Variants in FAM184A observed in about 807,000 individuals in gnomAD.
FAM184A encodes the protein protein FAM184A.
In FAM184A, 99 loss-of-function variants were observed where a neutral mutation model predicts 143.8. The observed-to-expected ratio is 0.69, with a 90% confidence interval of 0.58 to 0.81. The LOEUF is 0.81. Among genes scored for constraint, FAM184A ranks in the 40% least tolerant of loss-of-function variants. The pLI is 0.00. For missense variants in FAM184A, 1,217 were observed against 1,310.5 expected (o/e 0.93, Z 1.10); for synonymous variants, 427 against 446.4 (o/e 0.96, Z 0.55).
chr6:119,115,379 A>G (rs867321189), intron 1 of FAM184A, among the ~76,000 whole-genome samples: 1 of 152,134 alleles, frequency 6.6e-6, no homozygotes, highest in Non-Finnish European at 1.5e-5. Flanking sequence ...CCCCATCCGG[A>G]ACTTGATTCA....
At chr6:119,084,033 G>T (rs112866295) in intron 1 of FAM184A, among the ~76,000 whole-genome samples, 5,964 of 152,130 alleles carry the variant, frequency 0.039, 262 homozygotes, top group African/African-American at 0.11. Context: ...TACAATCATG[G>T]TGGAAGGCAA....
Position 118,961,928 on chromosome 6 carries a change from C to G in FAM184A, c.3174G>C (p.Arg1058Ser). The change falls in exon 17 of 18, where the codon AGG becomes AGC. Residue 1058 changes from arginine (R) to serine (S), a missense_variant. Coordinates refer to ENST00000338891, the MANE Select transcript of FAM184A (RefSeq NM_024581.6). Reference protein sequence around the residue: ...KKKNDKSPTNRFVSVPNLSAL... With the variant: ...KKKNDKSPTNSFVSVPNLSAL... ...CACTTAGATTGGGAACACTCACAAACCTGTTTGTTGGTGATTTATCATTCT... is the reference window on the plus strand; with the variant it reads ...CACTTAGATTGGGAACACTCACAAAGCTGTTTGTTGGTGATTTATCATTCT... 2 of 1,613,826 alleles carry G rather than the reference C, an allele frequency of 1.2e-6. No individual in the cohort carries two copies. The highest frequency in any genetic ancestry group is 1.7e-6 in the Non-Finnish European group (2 of 1,179,840).
intron 7 of FAM184A, chr6:119,005,942 T>C (rs1474519783): frequency 1.0e-5 from 6 of 577,416 alleles, no homozygotes; most frequent in African/African-American, 1.8e-5. Flanking sequence ...GTTCCAATTG[T>C]TATCGGTTGA....
intron 1 of FAM184A, among the ~76,000 whole-genome samples, chr6:119,135,376 A>G (rs1789635464): frequency 6.6e-6 from 1 of 152,138 alleles, no homozygotes; most frequent in Non-Finnish European, 1.5e-5. Context: ...AAAAGGCTCT[A>G]AAGAATTGGT....
upstream of FAM184A, among the ~76,000 whole-genome samples, chr6:119,080,377 A>T (rs1005883042): frequency 4.6e-5 from 7 of 152,192 alleles, no homozygotes; most frequent in Non-Finnish European, 7.4e-5. Flanking sequence ...ATTCACTCTG[A>T]ACTCCATCAC....
chr6:119,109,213 C>T lies in FAM184A; in HGVS notation c.-202+39865G>A, dbSNP rs1236987943. 7.9e-5 allele frequency among the ~76,000 whole-genome samples: 12 copies of T among 152,240 alleles called. No homozygotes were observed. The East Asian group carries it at 2.3e-3, about 29-fold the overall frequency. Reference sequence around the variant, plus strand: ...CTGTGCCACACTATTTGCTCTTATGCTAATGTGTCTTTAGTTTTTTATTCT... The same window carrying T: ...CTGTGCCACACTATTTGCTCTTATGTTAATGTGTCTTTAGTTTTTTATTCT... On this transcript the variant is annotated intron_variant, in intron 1 of 16. Transcript: ENST00000352896.
Position 118,960,414 on chromosome 6 carries a change from A to G in FAM184A, c.3342-230T>C, listed in dbSNP as rs532845889. Among the ~76,000 whole-genome samples the G allele has an allele frequency of 4.6e-5, 7 of 152,336 alleles. No individual in the cohort carries two copies. The East Asian group carries it at 1.2e-3, about 25-fold the overall frequency. ...GTCAGTTAAGGAGGAGCCACATCAC[A>G]ACAATCACAAAGAACAAAAAACAAC... On this transcript the variant is annotated intron_variant, in intron 17 of 17. Transcript: ENST00000338891.
intron 1 of FAM184A, among the ~76,000 whole-genome samples, chr6:119,093,978 C>CTTCG (rs1788438407): frequency 6.6e-6 from 1 of 150,702 alleles, no homozygotes. Context: ...TTTTTCCTTC[C>CTTCG]TTCCTTCCTC....
At chr6:119,119,477 A>G (rs1339314959) in intron 1 of FAM184A, among the ~76,000 whole-genome samples, 5 of 152,206 alleles carry the variant, frequency 3.3e-5, no homozygotes, top group Non-Finnish European at 7.3e-5. Flanking sequence ...CAAACCGGCC[A>G]GTGCTTAGGG....
intron 1 of FAM184A, among the ~76,000 whole-genome samples, chr6:119,146,418 G>T (rs564130646): frequency 6.6e-6 from 1 of 151,296 alleles, no homozygotes; most frequent in South Asian, 2.1e-4. Flanking sequence ...GTGTGTGTGT[G>T]TGTGTGTGTG....
intron 1 of FAM184A, among the ~76,000 whole-genome samples, chr6:119,026,860 T>C (rs1470142034): frequency 6.6e-6 from 1 of 152,204 alleles, no homozygotes; most frequent in African/African-American, 2.4e-5. Context: ...AATGCCCCTG[T>C]AAAGCTGCCT....
At position 119,078,280 on chromosome 6, in the gene FAM184A, C is replaced by T; in HGVS notation, c.20G>A (p.Ser7Asn). Residue 7 changes from serine to asparagine, a missense_variant, in exon 1 of 18, where the codon AGC (serine) becomes AAC (asparagine). By Grantham distance (46) the Ser-to-Asn change is conservative. Transcript: ENST00000338891. The surrounding 1 kb of genome is among the most constrained non-coding windows in gnomAD (Gnocchi z 5.5). MATPGM[S>N]WQQHYYGGSA... The stretch of plus-strand genomic sequence containing the variant: ...GCCGCCGTAATAGTGCTGCTGCCAG[C>T]TCATGCCCGGGGTCGCCATCTTCCC... 6.6e-7 allele frequency: 1 copy of T among 1,510,012 alleles called. No homozygotes were observed. The highest frequency in any genetic ancestry group is 1.2e-5 in the South Asian group (1 of 80,752). 93.5% of individuals were successfully genotyped at this position (1,510,012 alleles called of 1,614,324 possible).
chr6:118,964,260 C>G (rs749190078), intron 16 of FAM184A, among the ~76,000 whole-genome samples: 17 of 152,076 alleles, frequency 1.1e-4, no homozygotes, highest in Non-Finnish European at 2.1e-4. Context: ...AAATACATGT[C>G]CAACCCAAGG....
chr6:119,141,751 A>G (rs1772245059), intron 1 of FAM184A, among the ~76,000 whole-genome samples: 1 of 152,138 alleles, frequency 6.6e-6, no homozygotes, highest in African/African-American at 2.4e-5. Flanking sequence ...TGCTGGGATT[A>G]CAGGTGTGAG....
chr6:118,979,889 A>C (rs1783967622), intron 10 of FAM184A, among the ~76,000 whole-genome samples: 1 of 151,686 alleles, frequency 6.6e-6, no homozygotes, highest in Non-Finnish European at 1.5e-5. Context: ...CAAAAAAAAA[A>C]AAATTAAAAA....
intron 17 of FAM184A, among the ~76,000 whole-genome samples, chr6:118,961,107 G>A (rs1783309687): frequency 6.6e-6 from 1 of 151,950 alleles, no homozygotes; most frequent in African/African-American, 2.4e-5. Context: ...ATAGTAAGAT[G>A]AGCATAAAAC....
chr6:119,003,801 A>G (rs1336245530), intron 7 of FAM184A, among the ~76,000 whole-genome samples, 179 bp from the exon 8 acceptor site: 2 of 152,214 alleles, frequency 1.3e-5, no homozygotes, highest in African/African-American at 4.8e-5. Flanking sequence ...ATGTAAAACA[A>G]ATTTTATATT....
chr6:119,085,634 T>C (rs4946393), intron 1 of FAM184A, among the ~76,000 whole-genome samples: 4,849 of 152,328 alleles, frequency 0.032, 539 homozygotes, highest in Admixed American at 0.21. Context: ...TTTTCAGGTA[T>C]ATTTACAGCA....
At chr6:119,146,184 A>T (rs1400133034) in intron 1 of FAM184A, among the ~76,000 whole-genome samples, 2 of 152,266 alleles carry the variant, frequency 1.3e-5, no homozygotes, top group Admixed American at 1.3e-4. Flanking sequence ...AAATAAATAT[A>T]ATTAAAAATA....
Sources: gnomAD v4.1 joint callset for allele counts (sites outside exome capture counted in the v4.1 genomes callset) on GRCh38, gnomAD v4.1.1 for gene constraint, Gnocchi (gnomAD v3.1) non-coding constraint, MANE v1.5 for transcripts, NCBI Gene and HGNC (gene_info 2026-07-23, HGNC 2026-07-21) for gene names.